The following CSMD1 variants were observed in gnomAD, a reference collection of about 807,000 sequenced individuals.
CSMD1 encodes CUB and Sushi multiple domains 1.
Under a neutral mutation model 417.5 loss-of-function variants are expected in CSMD1, and 213 were observed. The ratio of observed to expected loss-of-function variants is 0.51; its 90% CI spans 0.46 to 0.57. The LOEUF (loss-of-function observed/expected upper bound fraction) is 0.57, where lower values mean the gene tolerates loss of function less well. CSMD1 is among the 20% of genes least tolerant of loss of function. The pLI, the probability that CSMD1 is intolerant of heterozygous loss-of-function variation, is 0.00. For missense variants in CSMD1, 6,923 were observed against 4,529.7 expected (o/e 1.53, Z -15.17); for synonymous variants, 2,862 against 1,736.8 (o/e 1.65, Z -16.11).
intron 3 of CSMD1, among the ~76,000 whole-genome samples, chr8:4,385,416 C>A (rs1394664277): frequency 6.6e-6 from 1 of 152,182 alleles, no homozygotes; most frequent in Non-Finnish European, 1.5e-5. Context: ...GCACTTGCTA[C>A]AGCACTGATT....
At chr8:4,600,466 T>A (rs1368810698) in intron 2 of CSMD1, among the ~76,000 whole-genome samples, 1 of 152,200 alleles carries the variant, frequency 6.6e-6, no homozygotes, top group South Asian at 2.1e-4. Context: ...TGCCTTTTCT[T>A]GAAGTCTGTT....
intron 3 of CSMD1, among the ~76,000 whole-genome samples, chr8:4,065,865 C>G (rs1015025064): frequency 6.6e-6 from 1 of 152,140 alleles, no homozygotes; most frequent in Non-Finnish European, 1.5e-5. Flanking sequence ...CAAAGTTTTC[C>G]TTCACTGTCT....
At chr8:4,826,243 A>G (rs1563510571) in intron 1 of CSMD1, among the ~76,000 whole-genome samples, 1 of 152,116 alleles carries the variant, frequency 6.6e-6, no homozygotes, top group Non-Finnish European at 1.5e-5. Context: ...CTAAATATCC[A>G]TTGACAGATG....
chr8:3,569,682 C>A (rs1429786527), intron 10 of CSMD1, among the ~76,000 whole-genome samples: 1 of 152,126 alleles, frequency 6.6e-6, no homozygotes, highest in Non-Finnish European at 1.5e-5. Context: ...CTTTCATCAA[C>A]GTGCACTTAA....
At chr8:3,830,521 G>A (rs1802316751) in intron 5 of CSMD1, among the ~76,000 whole-genome samples, 1 of 152,176 alleles carries the variant, frequency 6.6e-6, no homozygotes. Flanking sequence ...AGACTGTTAT[G>A]TCCTTAGTAT....
Position 4,913,524 on chromosome 8 carries a change from G to T in CSMD1, c.85+80808C>A, listed in dbSNP as rs757196802. Among the ~76,000 whole-genome samples the T allele has an allele frequency of 2.0e-5, 3 of 152,234 alleles. No individual in the cohort carries two copies. The South Asian group carries it at 6.2e-4, about 32-fold the overall frequency. ...CCCATATGTCTTATTTTAAACAGAA[G>T]CCCTGCCCTCAAAGAGCTCTACAGG... On this transcript the variant is annotated intron_variant, in intron 1 of 69. Transcript: ENST00000635120.
At chr8:3,900,451 A>C (rs964195817) in intron 5 of CSMD1, among the ~76,000 whole-genome samples, 1 of 146,866 alleles carries the variant, frequency 6.8e-6, no homozygotes, top group Non-Finnish European at 1.5e-5. Flanking sequence ...GCACAGCTGC[A>C]TAACAGTGCA....
rs898746231 is a variant in CSMD1, at chr8:4,862,886, G to A, written c.85+131446C>T. Among the ~76,000 whole-genome samples the A allele has an allele frequency of 7.2e-5, 11 of 152,142 alleles. No homozygotes were observed. The South Asian group carries it at 1.9e-3, about 26-fold the overall frequency. On this transcript the variant is annotated intron_variant, in intron 1 of 69. Transcript: ENST00000635120. ...GTTCAGAAGTCAGGAACATGAGGAA[G>A]GACTGGTAGAGCCGTGGGAGACACA... is the stretch of plus-strand genomic sequence containing the variant.
chr8:4,841,730 G>C (rs1472472010), intron 1 of CSMD1, among the ~76,000 whole-genome samples: 1 of 151,702 alleles, frequency 6.6e-6, no homozygotes, highest in Non-Finnish European at 1.5e-5. Flanking sequence ...GACCAACATG[G>C]TGAAACCCTG....
intron 2 of CSMD1, among the ~76,000 whole-genome samples, chr8:4,614,816 A>C (rs1411088720): frequency 1.3e-5 from 2 of 152,216 alleles, no homozygotes; most frequent in African/African-American, 4.8e-5. Context: ...TTCTTAAAAG[A>C]TAATCAGACA....
At chr8:4,383,341 T>G (rs189819790) in intron 3 of CSMD1, among the ~76,000 whole-genome samples, 1 of 152,298 alleles carries the variant, frequency 6.6e-6, no homozygotes, top group East Asian at 1.9e-4. Context: ...AAGAAGATTT[T>G]ATGATGAGAG....
intron 8 of CSMD1, among the ~76,000 whole-genome samples, chr8:3,586,535 T>A (rs770312602): frequency 6.6e-6 from 1 of 151,892 alleles, no homozygotes; most frequent in South Asian, 2.1e-4. Context: ...CAGAATAAAA[T>A]AGCAAAAATG....
chr8:4,181,759 G>A (rs1009598868), intron 3 of CSMD1, among the ~76,000 whole-genome samples: 12 of 152,000 alleles, frequency 7.9e-5, no homozygotes, highest in African/African-American at 1.7e-4. Flanking sequence ...TTCTTATCTT[G>A]TCATTGAAAT....
At chr8:3,162,623 C>G (rs562014996) in intron 37 of CSMD1, among the ~76,000 whole-genome samples, 2 of 151,896 alleles carry the variant, frequency 1.3e-5, no homozygotes, top group Non-Finnish European at 2.9e-5. Flanking sequence ...ATGTAAAACT[C>G]CAGGATATTG....
intron 10 of CSMD1, among the ~76,000 whole-genome samples, chr8:3,507,804 C>T (rs892118689): frequency 6.6e-6 from 1 of 152,124 alleles, no homozygotes; most frequent in Non-Finnish European, 1.5e-5. Flanking sequence ...TAAATGTCTT[C>T]TTTTGAGAAA....
rs146998441 is a variant in CSMD1 at position 4,318,394 on chromosome 8, C to T, written c.415+101559G>A. Reference sequence around the variant, plus strand: ...ACACTCTCGTACACATCTCTATTTGCGCATTTTAGTTTCTGTGTGTGTGAG... The same window carrying T: ...ACACTCTCGTACACATCTCTATTTGTGCATTTTAGTTTCTGTGTGTGTGAG... On this transcript the variant is annotated intron_variant, in intron 3 of 69. Transcript: ENST00000635120. 2.9e-3 allele frequency among the ~76,000 whole-genome samples: 446 copies of T among 152,128 alleles called. 6 individuals are homozygous for T. The South Asian group carries it at 0.049, about 17-fold the overall frequency.
At chr8:4,191,620 A>G (rs900563825) in intron 3 of CSMD1, among the ~76,000 whole-genome samples, 7 of 152,098 alleles carry the variant, frequency 4.6e-5, no homozygotes, top group African/African-American at 1.7e-4. Flanking sequence ...GTTGAAAGAA[A>G]ACTACAAGAT....
intron 3 of CSMD1, among the ~76,000 whole-genome samples, chr8:4,152,645 G>C (rs1395058699): frequency 6.6e-6 from 1 of 151,868 alleles, no homozygotes; most frequent in Non-Finnish European, 1.5e-5. Flanking sequence ...AGTCACGATT[G>C]TGCCAGCGCA....
chr8:4,450,183 C>G (rs1209335787), intron 2 of CSMD1, among the ~76,000 whole-genome samples: 1 of 152,150 alleles, frequency 6.6e-6, no homozygotes, highest in Non-Finnish European at 1.5e-5. Flanking sequence ...TAAAACCGAA[C>G]TGGGCAACAA....
Sources: gnomAD v4.1 joint callset for allele counts (sites outside exome capture counted in the v4.1 genomes callset) on GRCh38, gnomAD v4.1.1 for gene constraint, MANE v1.5 for transcripts, NCBI Gene and HGNC (gene_info 2026-07-23, HGNC 2026-07-21) for gene names.